The following TAFA4 variants were observed in gnomAD, a reference collection of about 807,000 sequenced individuals.
TAFA4 encodes the protein chemokine-like protein TAFA-4.
Under a neutral mutation model 21.1 loss-of-function variants are expected in TAFA4, and 20 were observed. That is an observed-to-expected ratio of 0.95 (90% CI 0.67 to 1.38). TAFA4 has a LOEUF of 1.38. Among genes scored for constraint, TAFA4 ranks in the 40% most tolerant of loss-of-function variants. The probability of loss-of-function intolerance (pLI) is 0.00; values close to 1 mark genes in which losing one functional copy is unlikely to be tolerated. For missense variants in TAFA4, 211 were observed against 180.9 expected (o/e 1.17, Z -0.95); for synonymous variants, 71 against 67.4 (o/e 1.05, Z -0.26).
intron 3 of TAFA4, among the ~76,000 whole-genome samples, chr3:68,807,141 G>C (rs7643280): frequency 0.014 from 2,201 of 152,332 alleles, 50 homozygotes; most frequent in African/African-American, 0.05. Flanking sequence ...GTCTAGGGCA[G>C]CTAATCCACA....
chr3:68,821,970 A>G (rs1704122807), intron 3 of TAFA4, among the ~76,000 whole-genome samples: 1 of 152,102 alleles, frequency 6.6e-6, no homozygotes. Flanking sequence ...CCTGTAGAAA[A>G]TCTCTACCGG....
chr3:68,738,379 G>A (rs1702282249), intron 5 of TAFA4, among the ~76,000 whole-genome samples: 1 of 152,172 alleles, frequency 6.6e-6, no homozygotes. Flanking sequence ...TAGCTTAGAG[G>A]ATGTGCATTT....
intron 1 of TAFA4, among the ~76,000 whole-genome samples, chr3:68,925,586 T>A (rs1187561147): frequency 6.6e-6 from 1 of 152,210 alleles, no homozygotes; most frequent in African/African-American, 2.4e-5. Flanking sequence ...TACTGACATA[T>A]GAAACTTGAT....
intron 3 of TAFA4, among the ~76,000 whole-genome samples, chr3:68,808,572 T>C (rs1039202592): frequency 6.6e-6 from 1 of 152,222 alleles, no homozygotes; most frequent in Non-Finnish European, 1.5e-5. Context: ...TCTATCTTCA[T>C]ACCTTTGACT....
chr3:68,760,073 AAAG>A (rs925796998), intron 3 of TAFA4, among the ~76,000 whole-genome samples: 6 of 152,158 alleles, frequency 3.9e-5, no homozygotes, highest in African/African-American at 9.7e-5. Context: ...TCTGTTCAAA[AAAG>A]AAGACTTAAA....
chr3:68,867,150 G>A (rs1010666245), intron 3 of TAFA4, among the ~76,000 whole-genome samples: 1 of 151,672 alleles, frequency 6.6e-6, no homozygotes, highest in East Asian at 1.9e-4. Context: ...ACTCTCAAAG[G>A]TCAAGGAAAA....
intron 3 of TAFA4, among the ~76,000 whole-genome samples, chr3:68,852,547 T>G (rs1211769303): frequency 6.6e-6 from 1 of 152,170 alleles, no homozygotes; most frequent in Admixed American, 6.6e-5. Context: ...CCTGCCTGAC[T>G]CCATGACTGT....
At chr3:68,842,516 T>C (rs1339897381) in intron 3 of TAFA4, among the ~76,000 whole-genome samples, 2 of 152,230 alleles carry the variant, frequency 1.3e-5, no homozygotes, top group Non-Finnish European at 1.5e-5. Context: ...TGATGATAGT[T>C]TCCTTTCCTG....
intron 1 of TAFA4, among the ~76,000 whole-genome samples, chr3:68,889,182 G>C (rs964864706): frequency 1.3e-5 from 2 of 152,136 alleles, no homozygotes; most frequent in African/African-American, 4.8e-5. Flanking sequence ...TTCTCGGAAT[G>C]AACTAAAAAG....
chr3:68,786,842 G>A (rs1183678783), intron 3 of TAFA4, among the ~76,000 whole-genome samples: 1 of 152,150 alleles, frequency 6.6e-6, no homozygotes, highest in East Asian at 1.9e-4. Context: ...GGGTAGGTCT[G>A]AGAAAATTTT....
At chr3:68,742,426 A>G (rs1702375595) in intron 4 of TAFA4, among the ~76,000 whole-genome samples, 1 of 130,750 alleles carries the variant, frequency 7.6e-6, no homozygotes, top group Non-Finnish European at 1.7e-5. Context: ...GACTCAAACT[A>G]TGCTGCCTGT....
At chr3:68,916,201 T>C (rs947771965) in intron 1 of TAFA4, 3 of 152,244 alleles carry the variant, frequency 2.0e-5, no homozygotes, top group African/African-American at 7.2e-5. Flanking sequence ...TTTCAGGCAG[T>C]AAATATACGT....
At position 68,770,714 on chromosome 3, in the gene TAFA4, T is replaced by TTA. The variant is rs142502243; in HGVS notation, c.131-17698_131-17697dup. ...AAGACCCACCTCACCTTCTCCCACT[T>TTA]TATAAAGAAAATATTTTTTTGTGCA... On this transcript the variant is annotated intron_variant, in intron 3 of 5. Coordinates refer to ENST00000295569, the MANE Select transcript of TAFA4 (RefSeq NM_182522.5). 8.9e-4 allele frequency among the ~76,000 whole-genome samples: 136 copies of TTA among 152,256 alleles called. 1 individual carries two copies. The highest frequency in any genetic ancestry group is 3.2e-3 in the African/African-American group (133 of 41,558).
At chr3:68,854,318 AG>A (rs1183215934) in intron 3 of TAFA4, among the ~76,000 whole-genome samples, 1 of 152,106 alleles carries the variant, frequency 6.6e-6, no homozygotes, top group East Asian at 1.9e-4. Flanking sequence ...CATCAGGGAT[AG>A]AGCCAGGACT....
chr3:68,849,064 A>G (rs1371436662), intron 3 of TAFA4, among the ~76,000 whole-genome samples: 1 of 152,222 alleles, frequency 6.6e-6, no homozygotes, highest in African/African-American at 2.4e-5. Context: ...TCTTCCTGAT[A>G]AAAATACAAT....
At chr3:68,803,139 A>G (rs1323612759) in intron 3 of TAFA4, among the ~76,000 whole-genome samples, 1 of 118,024 alleles carries the variant, frequency 8.5e-6, no homozygotes, top group Non-Finnish European at 1.9e-5. Flanking sequence ...CACTACAGCC[A>G]GTTATTATTT....
At chr3:68,842,977 C>CA (rs1704698564) in intron 3 of TAFA4, among the ~76,000 whole-genome samples, 1 of 152,176 alleles carries the variant, frequency 6.6e-6, no homozygotes, top group African/African-American at 2.4e-5. Context: ...ATGATGCCTC[C>CA]AGCTTCGTTC....
chr3:68,770,915 G>C lies in TAFA4; in HGVS notation c.131-17897C>G, dbSNP rs535904852. On this transcript the variant is annotated intron_variant, in intron 3 of 5. Coordinates refer to ENST00000295569, the MANE Select transcript of TAFA4 (RefSeq NM_182522.5). ...CCTGCCATACTCCCATCCTGTTCCCGTAAAAGCCTGAGCTCTAGAGGGCAC... is the reference window on the plus strand; with the variant it reads ...CCTGCCATACTCCCATCCTGTTCCCCTAAAAGCCTGAGCTCTAGAGGGCAC... Among the ~76,000 whole-genome samples, 3 of 152,184 alleles carry C rather than the reference G, an allele frequency of 2.0e-5. No individual in the cohort carries two copies. The East Asian group carries it at 5.8e-4, about 30-fold the overall frequency.
At chr3:68,860,140 C>G (rs945364250) in intron 3 of TAFA4, among the ~76,000 whole-genome samples, 2 of 152,036 alleles carry the variant, frequency 1.3e-5, no homozygotes, top group African/African-American at 4.8e-5. Context: ...CTTCCTTTCC[C>G]CTTGAAATAG....
Sources: allele counts gnomAD v4.1 joint callset (sites outside exome capture counted in the v4.1 genomes callset), GRCh38; gene constraint gnomAD v4.1.1; transcripts MANE v1.5; gene names NCBI Gene and HGNC (gene_info 2026-07-23, HGNC 2026-07-21).